Variants in CACNB2 observed in about 807,000 individuals in gnomAD.
CACNB2 encodes the protein calcium voltage-gated channel auxiliary subunit beta 2, also known as voltage-dependent L-type calcium channel subunit beta-2.
A neutral mutation model predicts 73.3 loss-of-function variants in CACNB2; 42 were observed. The observed-to-expected ratio is 0.57, with a 90% confidence interval of 0.45 to 0.74. The LOEUF is 0.74. Among genes scored for constraint, CACNB2 ranks in the 30% least tolerant of loss-of-function variants. The pLI, the probability that CACNB2 is intolerant of heterozygous loss-of-function variation, is 0.00. For synonymous variants in CACNB2, 348 were observed against 310.3 expected, an observed-to-expected ratio of 1.12 and a Z score of -1.28; for missense variants, 940 against 853.0, an observed-to-expected ratio of 1.10 and a Z score of -1.27.
At chr10:18,210,584 G>A (rs1046074443) in intron 2 of CACNB2, among the ~76,000 whole-genome samples, 13 of 152,012 alleles carry the variant, frequency 8.6e-5, no homozygotes, top group Admixed American at 1.3e-4. Flanking sequence ...CCTGTATAAC[G>A]CTGAGTTATA....
intron 2 of CACNB2, among the ~76,000 whole-genome samples, chr10:18,189,138 GT>G (rs1259750341): frequency 2.0e-5 from 3 of 151,814 alleles, no homozygotes; most frequent in Non-Finnish European, 2.9e-5. Context: ...CAGATTGTTT[GT>G]TTTTTTAAAA....
At chr10:18,390,077 G>A (rs2043398357) in intron 2 of CACNB2, among the ~76,000 whole-genome samples, 1 of 152,188 alleles carries the variant, frequency 6.6e-6, no homozygotes, top group African/African-American at 2.4e-5. Context: ...GAAGTTAGCT[G>A]TTCATTCATG....
At chr10:18,346,872 C>G (rs938250232) in intron 2 of CACNB2, among the ~76,000 whole-genome samples, 1 of 152,040 alleles carries the variant, frequency 6.6e-6, no homozygotes, top group Non-Finnish European at 1.5e-5. Flanking sequence ...GCTGGGATTA[C>G]AGGTGTGAGC....
intron 2 of CACNB2, among the ~76,000 whole-genome samples, chr10:18,251,097 C>G (rs942179496): frequency 1.9e-4 from 29 of 152,198 alleles, no homozygotes; most frequent in African/African-American, 6.3e-4. Context: ...AGAAACAACA[C>G]TCAGTGGGAT....
At chr10:18,223,424 A>G (rs1001237021) in intron 2 of CACNB2, among the ~76,000 whole-genome samples, 2 of 152,214 alleles carry the variant, frequency 1.3e-5, no homozygotes, top group African/African-American at 4.8e-5. Flanking sequence ...TGTGAAAGCA[A>G]AAGAGTATTA....
chr10:18,143,641 A>G (rs2030664664), intron 1 of CACNB2, among the ~76,000 whole-genome samples: 1 of 152,170 alleles, frequency 6.6e-6, no homozygotes, highest in South Asian at 2.1e-4. Context: ...ATGGCATCAT[A>G]GGATTGTGTG....
intron 2 of CACNB2, among the ~76,000 whole-genome samples, chr10:18,290,112 C>CT (rs992393946): frequency 0.085 from 4,282 of 50,092 alleles, 720 homozygotes; most frequent in Middle Eastern, 0.14. Context: ...TTTTCTTTTT[C>CT]TTTTTTTTTT....
chr10:18,286,599 G>A (rs775309947), intron 2 of CACNB2, among the ~76,000 whole-genome samples: 5 of 144,900 alleles, frequency 3.5e-5, no homozygotes, highest in African/African-American at 1.3e-4. Context: ...CTAACCATCC[G>A]TCATCAATCT....
chr10:18,267,496 C>T (rs538099721), intron 2 of CACNB2, among the ~76,000 whole-genome samples: 19 of 152,160 alleles, frequency 1.2e-4, no homozygotes, highest in Admixed American at 1.2e-3. Context: ...ATCCCAGTTA[C>T]TCAGGAGGCT....
rs1589510896 is a variant in CACNB2 at position 18,487,496 on chromosome 10, G to A, written c.334-10859G>A. 2.6e-5 allele frequency among the ~76,000 whole-genome samples: 4 copies of A among 152,252 alleles called. No individual in the cohort carries two copies. The South Asian group carries it at 8.3e-4, about 32-fold the overall frequency. Reference sequence around the variant, plus strand: ...GTGCTGGAGTCAGGGTGGGAAGGGAGGTGGTGAAACCAGGTGGTTGGTCTC... The same window carrying A: ...GTGCTGGAGTCAGGGTGGGAAGGGAAGTGGTGAAACCAGGTGGTTGGTCTC... On this transcript the variant is annotated intron_variant, in intron 3 of 13. Transcript: ENST00000324631.
At chr10:18,492,345 G>T (rs1488681970) in intron 3 of CACNB2, among the ~76,000 whole-genome samples, 1 of 152,174 alleles carries the variant, frequency 6.6e-6, no homozygotes, top group East Asian at 1.9e-4. Context: ...ACCTGGCCGG[G>T]CGTGGTGGCT....
intron 3 of CACNB2, among the ~76,000 whole-genome samples, chr10:18,430,247 C>T (rs943710472): frequency 2.6e-5 from 4 of 152,154 alleles, no homozygotes; most frequent in Middle Eastern, 3.4e-3. Context: ...TATTGAGACG[C>T]GTCTAAACAC....
intron 2 of CACNB2, among the ~76,000 whole-genome samples, chr10:18,166,029 A>T (rs1021050851): frequency 1.3e-5 from 2 of 152,152 alleles, no homozygotes; most frequent in Non-Finnish European, 2.9e-5. Context: ...ATATCAATTG[A>T]TCTTATATTC....
intron 2 of CACNB2, among the ~76,000 whole-genome samples, chr10:18,244,893 A>G (rs1470332282): frequency 6.6e-6 from 1 of 152,232 alleles, no homozygotes; most frequent in African/African-American, 2.4e-5. Context: ...TTTGAGTAGA[A>G]GAGACAGATA....
intron 3 of CACNB2, among the ~76,000 whole-genome samples, chr10:18,488,913 C>T (rs1453650551): frequency 5.9e-5 from 9 of 151,904 alleles, no homozygotes; most frequent in African/African-American, 1.7e-4. Flanking sequence ...TACGGTGGCT[C>T]ATGCCTGTAA....
intron 2 of CACNB2, among the ~76,000 whole-genome samples, chr10:18,325,965 G>GAACTCCTGGGCTCA (rs991922017): frequency 6.6e-6 from 1 of 151,932 alleles, no homozygotes; most frequent in Non-Finnish European, 1.5e-5. Context: ...GGCTGGTCTT[G>GAACTCCTGGGCTCA]AACTCCTGGG....
intron 2 of CACNB2, among the ~76,000 whole-genome samples, chr10:18,386,224 G>A (rs1037663928): frequency 3.9e-5 from 6 of 151,956 alleles, no homozygotes; most frequent in Non-Finnish European, 8.8e-5. Flanking sequence ...TTCTGGGAAT[G>A]TCTCTCCTTC....
Position 18,539,397 on chromosome 10 carries a change from A to G in CACNB2, c.1656A>G (p.Gln552=). 6.2e-7 allele frequency: 1 copy of G among 1,614,094 alleles called. No individual in the cohort carries two copies. The highest frequency in any genetic ancestry group is 1.3e-5 in the African/African-American group (1 of 75,036). ...RSGTSRGLSR[Q]ETFDSETQES... ...GGACAAGTCGCGGCCTCTCCAGGCAAGAGACATTTGACTCGGAAACCCAGG... is the reference window on the plus strand; with the variant it reads ...GGACAAGTCGCGGCCTCTCCAGGCAGGAGACATTTGACTCGGAAACCCAGG... Residue 552 remains glutamine (Q), a synonymous_variant, in exon 14 of 14, where the codon CAA becomes CAG. Coordinates refer to ENST00000324631, the MANE Select transcript of CACNB2 (RefSeq NM_201596.3).
At position 18,541,953 on chromosome 10, in the gene CACNB2, T is replaced by C. The variant is rs557926608; in HGVS notation, c.*2229T>C. 3 of 152,264 alleles carry C rather than the reference T, an allele frequency of 2.0e-5. No homozygotes were observed. Among genetic ancestry groups the C allele is most frequent in the Non-Finnish European group, 2.9e-5 (2 of 68,012 alleles). The allele number at this position is 152,264 out of a possible 1,614,324, so 9.4% of individuals were successfully genotyped here. A position where few individuals can be genotyped will look rare whatever the true frequency, so the allele number is the denominator to read the frequency against. On this transcript the variant is annotated 3_prime_UTR_variant, in exon 14 of 14. Coordinates refer to ENST00000324631, the MANE Select transcript of CACNB2 (RefSeq NM_201596.3). ...TGCTTCCTTGATTATTCCAAGTTCT[T>C]ACCAAATATTCTTAGCCTTTTATAA...
Sources: gnomAD v4.1 joint callset for allele counts (sites outside exome capture counted in the v4.1 genomes callset) on GRCh38, gnomAD v4.1.1 for gene constraint, MANE v1.5 for transcripts, NCBI Gene and HGNC (gene_info 2026-07-23, HGNC 2026-07-21) for gene names.